Variants in HCRTR2 observed in about 807,000 individuals in gnomAD.
The protein encoded by HCRTR2 is orexin receptor type 2.
In HCRTR2, 22 loss-of-function variants were observed where a neutral mutation model predicts 49.0. That is an observed-to-expected ratio of 0.45 (90% CI 0.32 to 0.64). The LOEUF (loss-of-function observed/expected upper bound fraction) is 0.64. Ranked by LOEUF, HCRTR2 falls within the 30% of genes least tolerant of loss-of-function variation. The pLI is 0.04. For missense variants in HCRTR2, 491 were observed against 559.4 expected (o/e 0.88, Z 1.23); for synonymous variants, 236 against 205.3 (o/e 1.15, Z -1.28).
At chr6:55,244,823 C>G (rs1466417679) in intron 1 of HCRTR2, among the ~76,000 whole-genome samples, 1 of 151,908 alleles carries the variant, frequency 6.6e-6, no homozygotes, top group Non-Finnish European at 1.5e-5. Flanking sequence ...AATCCATCTT[C>G]AGTTGCTATT....
chr6:55,251,460 A>G (rs946102863), intron 2 of HCRTR2, among the ~76,000 whole-genome samples: 12 of 152,224 alleles, frequency 7.9e-5, no homozygotes, highest in South Asian at 2.1e-4. Flanking sequence ...CTGAACAATT[A>G]TCATGTATTT....
intron 1 of HCRTR2, among the ~76,000 whole-genome samples, chr6:55,244,729 G>A (rs1053297087): frequency 1.3e-4 from 19 of 151,964 alleles, no homozygotes; most frequent in Admixed American, 1.2e-3. Context: ...AGATATATAT[G>A]TAGTTCTGAA....
At chr6:55,215,556 C>T (rs1765772762) in intron 1 of HCRTR2, among the ~76,000 whole-genome samples, 1 of 152,024 alleles carries the variant, frequency 6.6e-6, no homozygotes, top group South Asian at 2.1e-4. Context: ...TGGTGGGTAA[C>T]TTACTCTTCA....
chr6:55,153,119 A>G (rs1764684872), intron 1 of HCRTR2, among the ~76,000 whole-genome samples: 1 of 151,948 alleles, frequency 6.6e-6, no homozygotes, highest in South Asian at 2.1e-4. Flanking sequence ...ATGGATATCC[A>G]GTTTTCACAG....
At chr6:55,254,786 G>T (rs1766618715) in intron 2 of HCRTR2, among the ~76,000 whole-genome samples, 2 of 149,740 alleles carry the variant, frequency 1.3e-5, no homozygotes, top group African/African-American at 2.4e-5. Flanking sequence ...CTATATGAGG[G>T]TATGATTTCT....
At chr6:55,168,149 G>A (rs188075583) in intron 1 of HCRTR2, among the ~76,000 whole-genome samples, 1 of 152,288 alleles carries the variant, frequency 6.6e-6, no homozygotes, top group East Asian at 1.9e-4. Flanking sequence ...AAAGATGAAT[G>A]AGAAAACATT....
At position 55,174,791 on chromosome 6, in the gene HCRTR2, T is replaced by A. The variant is rs768754670; in HGVS notation, c.204T>A (p.Ala68=). The A allele has an allele frequency of 6.2e-7, 1 of 1,613,894 alleles. No homozygotes were observed. The highest frequency in any genetic ancestry group is 8.5e-7 in the Non-Finnish European group (1 of 1,179,962). ...IAGYIIVFVV[A]LIGNVLVCVA... ...GGTACATCATCGTGTTCGTCGTGGC[T>A]CTCATTGGGAACGTCCTGGGTGAGT... The change falls in exon 1 of 7, where the codon GCT becomes GCA. Residue 68 remains alanine (A), a synonymous_variant. Coordinates refer to ENST00000370862, the MANE Select transcript of HCRTR2 (RefSeq NM_001384272.1).
intron 1 of HCRTR2, among the ~76,000 whole-genome samples, chr6:55,207,393 C>G (rs116754463): frequency 0.011 from 1,665 of 152,154 alleles, 27 homozygotes; most frequent in African/African-American, 0.038. Context: ...TAAGGACTTG[C>G]ATTTTCATGA....
At chr6:55,275,894 T>C (rs2127330425) in intron 4 of HCRTR2, among the ~76,000 whole-genome samples, 1 of 152,248 alleles carries the variant, frequency 6.6e-6, no homozygotes, top group South Asian at 2.1e-4. Flanking sequence ...AGATGCAGAA[T>C]GTAGATTCTC....
In HCRTR2 at chr6:55,247,359, G is replaced by T. The variant is rs532281486; in HGVS notation, c.224-1280G>T. On this transcript the variant is annotated intron_variant, in intron 1 of 6. Coordinates refer to ENST00000370862, the MANE Select transcript of HCRTR2 (RefSeq NM_001384272.1). ...AATTGACATCTGTTGGTAGCTGACA[G>T]CCAATTTCAGCTTCAGGAACTAGTA... Among the ~76,000 whole-genome samples the T allele has an allele frequency of 2.0e-5, 3 of 152,220 alleles. No homozygotes were observed. In the South Asian group the frequency reaches 6.2e-4, roughly 32 times the overall value.
intron 1 of HCRTR2, among the ~76,000 whole-genome samples, chr6:55,157,651 C>T (rs1248292374): frequency 6.6e-6 from 1 of 152,210 alleles, no homozygotes; most frequent in African/African-American, 2.4e-5. Context: ...GTGCTTGTGT[C>T]ACCCCTCCTT....
chr6:55,182,492 A>G (rs897933657), intron 1 of HCRTR2, among the ~76,000 whole-genome samples: 27 of 152,274 alleles, frequency 1.8e-4, no homozygotes, highest in African/African-American at 5.5e-4. Flanking sequence ...GCAGCCAGAG[A>G]GGAAATACGG....
chr6:55,106,622 A>G (rs1395856786), intron 1 of HCRTR2: 1 of 152,114 alleles, frequency 6.6e-6, no homozygotes, highest in Non-Finnish European at 1.5e-5. Context: ...TTGAATAGCA[A>G]CCATGTTTTA....
intron 1 of HCRTR2, among the ~76,000 whole-genome samples, chr6:55,233,153 A>G (rs1766147860): frequency 6.6e-6 from 1 of 151,752 alleles, no homozygotes; most frequent in African/African-American, 2.4e-5. Flanking sequence ...CAATGGTGCA[A>G]TCTCAGCTCA....
intron 1 of HCRTR2, chr6:55,240,756 T>C (rs913075330): frequency 9.7e-6 from 4 of 413,516 alleles, no homozygotes; most frequent in African/African-American, 8.2e-5. Flanking sequence ...TAAGTCTGGA[T>C]ACTGTAATGA....
At chr6:55,194,778 G>T (rs1263154087) in intron 1 of HCRTR2, among the ~76,000 whole-genome samples, 1 of 152,006 alleles carries the variant, frequency 6.6e-6, no homozygotes, top group African/African-American at 2.4e-5. Flanking sequence ...CTGGAAGTAT[G>T]ACCATTGGGA....
intron 1 of HCRTR2, among the ~76,000 whole-genome samples, chr6:55,210,127 C>T (rs1408283429): frequency 6.6e-6 from 1 of 151,936 alleles, no homozygotes; most frequent in African/African-American, 2.4e-5. Context: ...CTCAGTATGG[C>T]CACTTTTATG....
intron 1 of HCRTR2, among the ~76,000 whole-genome samples, chr6:55,179,588 T>G (rs6927478): frequency 0.36 from 54,077 of 151,942 alleles, 9,928 homozygotes; most frequent in Middle Eastern, 0.49. Flanking sequence ...GAGAATAACA[T>G]GTGCAACTGA....
At chr6:55,196,766 A>G (rs1765424481) in intron 1 of HCRTR2, among the ~76,000 whole-genome samples, 2 of 152,150 alleles carry the variant, frequency 1.3e-5, no homozygotes, top group Admixed American at 1.3e-4. Flanking sequence ...GAAAACAAGA[A>G]ACTCTGACTA....
Sources: allele counts gnomAD v4.1 joint callset (sites outside exome capture counted in the v4.1 genomes callset), GRCh38; gene constraint gnomAD v4.1.1; transcripts MANE v1.5; gene names NCBI Gene and HGNC (gene_info 2026-07-23, HGNC 2026-07-21).